CLCN1: variants seen among roughly 807,000 people sequenced by gnomAD.
CLCN1 encodes chloride channel protein 1.
CLCN1 carries 100 observed loss-of-function variants against 114.5 expected under a neutral mutation model. The observed-to-expected ratio is 0.87, with a 90% CI of 0.74 to 1.03. CLCN1 has a LOEUF of 1.03. Among genes scored for constraint, CLCN1 ranks in the 50% least tolerant of loss-of-function variants. CLCN1 has a pLI of 0.00. For synonymous variants in CLCN1, 485 were observed against 487.1 expected, an observed-to-expected ratio of 1.00 and a Z score of 0.06; for missense variants, 1,188 against 1,250.0, an observed-to-expected ratio of 0.95 and a Z score of 0.75.
At chr7:143,351,539 G>A (rs1036524390) in intron 22 of CLCN1, 55 bp from the exon 23 acceptor site, 20 of 1,588,224 alleles carry the variant, frequency 1.3e-5, no homozygotes, top group East Asian at 2.3e-5. Flanking sequence ...CACTGCCCCC[G>A]TCTTTTTTCT....
Position 143,351,574 on chromosome 7 carries a change from C to G in CLCN1, c.2596-20C>G. ...TTTTTCCAACTTTTTACCCTCTTTT[C>G]CTTTCCCACTGCTCTTCAGCTACAG... is the stretch of plus-strand genomic sequence containing the variant. On this transcript the variant is annotated intron_variant, in intron 22 of 22. Coordinates refer to ENST00000343257, the MANE Select transcript of CLCN1 (RefSeq NM_000083.3). 1.2e-6 allele frequency: 2 copies of G among 1,613,516 alleles called. No homozygotes were observed. Among genetic ancestry groups the G allele is most frequent in the African/African-American group, 1.3e-5 (1 of 75,006 alleles).
chr7:143,328,970 C>CT (rs962724858), intron 7 of CLCN1, among the ~76,000 whole-genome samples: 29 of 10,212 alleles, frequency 2.8e-3, no homozygotes, highest in Middle Eastern at 0.091. Context: ...TTCTTTCTTT[C>CT]TTTTTTTTTT....
At chr7:143,322,464 T>C (rs746721876) in intron 5 of CLCN1, among the ~76,000 whole-genome samples, 13 of 152,240 alleles carry the variant, frequency 8.5e-5, no homozygotes, top group Admixed American at 2.0e-4. Flanking sequence ...CAGTCTCATC[T>C]GACCCCTGGT....
chr7:143,326,524 A>G (rs1044150027), intron 7 of CLCN1, among the ~76,000 whole-genome samples: 1 of 152,176 alleles, frequency 6.6e-6, no homozygotes, highest in African/African-American at 2.4e-5. Context: ...AGCTCACTCG[A>G]AAAAGTGGCC....
At chr7:143,333,268 T>C (rs1802779626) in intron 12 of CLCN1, among the ~76,000 whole-genome samples, 1 of 151,214 alleles carries the variant, frequency 6.6e-6, no homozygotes, top group African/African-American at 2.4e-5. Flanking sequence ...GCCATTGCAC[T>C]CCAGCCTGGG....
chr7:143,338,810 A>AAAG lies in CLCN1; in HGVS notation c.1402-441_1402-440insGAA, dbSNP rs1554437971. On this transcript the variant is annotated intron_variant, in intron 12 of 22. Transcript: ENST00000343257. ...CCCTGTCTCAAAAAAAAAAAAAAAG[A>AAAG]AAAAAAAAAAACCGGAGCGCCTTTT... 8.4e-3 allele frequency among the ~76,000 whole-genome samples: 1,038 copies of AAAG among 123,502 alleles called. 8 individuals carry two copies. The highest frequency in any genetic ancestry group is 1.0e-2 in the Non-Finnish European group (650 of 65,144). 81.0% of individuals were successfully genotyped at this position (123,502 alleles called of 152,430 possible). A position where few individuals can be genotyped will look rare whatever the true frequency, so the allele number is the denominator to read the frequency against.
intron 1 of CLCN1, among the ~76,000 whole-genome samples, chr7:143,317,822 T>A (rs1195586040): frequency 6.6e-6 from 1 of 152,122 alleles, no homozygotes; most frequent in African/African-American, 2.4e-5. Context: ...GGGGTCTGAC[T>A]AGGCCTTTGA....
At chr7:143,340,511 CCTT>C (rs1803048824) in intron 14 of CLCN1, among the ~76,000 whole-genome samples, 1 of 152,046 alleles carries the variant, frequency 6.6e-6, no homozygotes. Flanking sequence ...TCCCTTCCTT[CCTT>C]CTTTTCTCTC....
intron 11 of CLCN1, 109 bp downstream of exon 11, chr7:143,332,612 A>G: frequency 6.5e-7 from 1 of 1,530,556 alleles, no homozygotes; most frequent in South Asian, 1.1e-5. Context: ...ATTCTCCCTG[A>G]GAAAAGGGCA....
At chr7:143,347,309 TAGA>T (rs377082875) in intron 20 of CLCN1, among the ~76,000 whole-genome samples, 57 of 152,184 alleles carry the variant, frequency 3.7e-4, no homozygotes, top group African/African-American at 1.1e-3. Flanking sequence ...AACAGCAACA[TAGA>T]AGAAGAACAT....
chr7:143,326,523 GA>G (rs1802581281), intron 7 of CLCN1, among the ~76,000 whole-genome samples: 1 of 152,106 alleles, frequency 6.6e-6, no homozygotes, highest in Non-Finnish European at 1.5e-5. Flanking sequence ...TAGCTCACTC[GA>G]AAAAGTGGCC....
At chr7:143,330,180 T>C (rs1364549456) in intron 7 of CLCN1, among the ~76,000 whole-genome samples, 4 of 152,194 alleles carry the variant, frequency 2.6e-5, no homozygotes, top group Non-Finnish European at 4.4e-5. Context: ...TTTGTATGAC[T>C]CCTCTACCTT....
chr7:143,329,395 G>C (rs1802663271), intron 7 of CLCN1, among the ~76,000 whole-genome samples: 1 of 152,228 alleles, frequency 6.6e-6, no homozygotes, highest in Non-Finnish European at 1.5e-5. Flanking sequence ...GACCTGAAGA[G>C]GAGGATTGGG....
At chr7:143,336,726 C>A (rs938979968) in intron 12 of CLCN1, among the ~76,000 whole-genome samples, 4 of 151,728 alleles carry the variant, frequency 2.6e-5, no homozygotes, top group Non-Finnish European at 4.4e-5. Context: ...ACTTCTGGAT[C>A]TTTTCTTTCA....
chr7:143,339,115 G>A lies in CLCN1; in HGVS notation c.1402-138G>A, dbSNP rs913047940. On this transcript the variant is annotated intron_variant, in intron 12 of 22. Coordinates refer to ENST00000343257, the MANE Select transcript of CLCN1 (RefSeq NM_000083.3). This position sits in a 1 kb window ranked among gnomAD's most constrained non-coding sequence, Gnocchi z 4.1. ...CTATGGCTTTTGTTTCTGGAAGAAG[G>A]GTGACAGACAAAGTGACTTTCAGAA... is the stretch of plus-strand genomic sequence containing the variant. 18 of 762,476 alleles carry A rather than the reference G, an allele frequency of 2.4e-5. No homozygotes were observed. In the African/African-American group the frequency reaches 3.1e-4, roughly 13 times the overall value. The allele number at this position is 762,476 out of a possible 1,614,324, so 47.2% of individuals were successfully genotyped here.
At chr7:143,329,795 G>T (rs924014470) in intron 7 of CLCN1, among the ~76,000 whole-genome samples, 2 of 152,122 alleles carry the variant, frequency 1.3e-5, no homozygotes, top group African/African-American at 4.8e-5. Context: ...TAAAGATGAG[G>T]CTTAGCCAGG....
In CLCN1 at chr7:143,316,156, G is replaced by A; in HGVS notation, c.-57G>A. 7.1e-7 allele frequency: 1 copy of A among 1,415,164 alleles called. No homozygotes were observed. Among genetic ancestry groups the A allele is most frequent in the Non-Finnish European group, 1.0e-6 (1 of 1,003,752 alleles). The allele number at this position is 1,415,164 out of a possible 1,614,324, so 87.7% of individuals were successfully genotyped here. A position where few individuals can be genotyped will look rare whatever the true frequency, so the allele number is the denominator to read the frequency against. On this transcript the variant is annotated 5_prime_UTR_variant, in exon 1 of 23. Transcript: ENST00000343257. The stretch of plus-strand genomic sequence containing the variant: ...GAGCAGAGGCTTAAGGAGCTACACT[G>A]GGGGAAGGACAGGGGCAAGCAGGCC...
rs564469330 is a variant in CLCN1, at chr7:143,339,372, A to T, written c.1471+50A>T. 8.1e-6 allele frequency: 12 copies of T among 1,472,748 alleles called. No individual in the cohort carries two copies. In the East Asian group the frequency reaches 1.8e-4, roughly 22 times the overall value. 91.2% of individuals were successfully genotyped at this position (1,472,748 alleles called of 1,614,324 possible). A position where few individuals can be genotyped will look rare whatever the true frequency, so the allele number is the denominator to read the frequency against. Reference sequence around the variant, plus strand: ...GTCTGACTGAGAGTTGCAATCTAGGATACAGGAAACATAAGGAAAGGCCCG... The same window carrying T: ...GTCTGACTGAGAGTTGCAATCTAGGTTACAGGAAACATAAGGAAAGGCCCG... On this transcript the variant is annotated intron_variant, in intron 13 of 22. Coordinates refer to ENST00000343257, the MANE Select transcript of CLCN1 (RefSeq NM_000083.3). The surrounding 1 kb of genome is among the most constrained non-coding windows in gnomAD (Gnocchi z 4.1).
In CLCN1 at chr7:143,319,761, G is replaced by A. The variant is rs781383745; in HGVS notation, c.187G>A (p.Gly63Ser). ...TCATTCTCTCTCTGTCCAGATTTAT[G>A]GCCATCACAAAGAACAATTCTCAGA... The part of the protein sequence containing the change: ...RHNVHPTQIY[G>S]HHKEQFSDRE... Residue 63 changes from glycine to serine, a missense_variant, in exon 2 of 23, where the codon GGC (glycine) becomes AGC (serine). Physicochemically the swap from Gly to Ser is moderately conservative, Grantham distance 56. Transcript: ENST00000343257. The A allele has an allele frequency of 6.2e-7, 1 of 1,613,820 alleles. No homozygotes were observed. Among genetic ancestry groups the A allele is most frequent in the East Asian group, 2.2e-5 (1 of 44,872 alleles).
Sources: gnomAD v4.1 joint callset for allele counts (sites outside exome capture counted in the v4.1 genomes callset) on GRCh38, gnomAD v4.1.1 for gene constraint, Gnocchi (gnomAD v3.1) non-coding constraint, MANE v1.5 for transcripts, NCBI Gene and HGNC (gene_info 2026-07-23, HGNC 2026-07-21) for gene names.